Variants in ANKS1B observed in about 807,000 individuals in gnomAD.
The protein encoded by ANKS1B is ankyrin repeat and sterile alpha motif domain-containing protein 1B.
ANKS1B carries 36 observed loss-of-function variants against 148.3 expected under a neutral mutation model. The ratio of observed to expected loss-of-function variants is 0.24; its 90% CI spans 0.19 to 0.32. The LOEUF (loss-of-function observed/expected upper bound fraction) is 0.32. Ranked by LOEUF, ANKS1B falls within the 10% of genes least tolerant of loss-of-function variation. The pLI, the probability that ANKS1B is intolerant of heterozygous loss-of-function variation, is 1.00. For synonymous variants in ANKS1B, 542 were observed against 560.8 expected, an observed-to-expected ratio of 0.97 and a Z score of 0.47; for missense variants, 1,157 against 1,542.6, an observed-to-expected ratio of 0.75 and a Z score of 4.19.
chr12:99,645,888 G>A (rs1014277112), intron 9 of ANKS1B, among the ~76,000 whole-genome samples: 9 of 152,176 alleles, frequency 5.9e-5, no homozygotes, highest in Admixed American at 3.3e-4. Flanking sequence ...ACTGACTGGT[G>A]TGGAAAATCC....
chr12:99,803,890 T>C (rs11110048), intron 4 of ANKS1B, among the ~76,000 whole-genome samples: 17,982 of 152,206 alleles, frequency 0.12, 1,244 homozygotes, highest in African/African-American at 0.17. Flanking sequence ...CTCTTTGTTT[T>C]AGCATTTATT....
At chr12:99,048,776 G>T (rs979336812) in intron 17 of ANKS1B, 5 of 152,350 alleles carry the variant, frequency 3.3e-5, no homozygotes, top group Admixed American at 1.3e-4. Context: ...ATGTCAGGGT[G>T]CTTTTCCCAA....
chr12:99,925,358 T>C (rs993591089), intron 1 of ANKS1B, among the ~76,000 whole-genome samples: 2 of 152,198 alleles, frequency 1.3e-5, no homozygotes, highest in African/African-American at 4.8e-5. Context: ...GATTACATAC[T>C]TGGCTATCAC....
At chr12:98,761,029 C>T (rs1268602795) in intron 25 of ANKS1B, among the ~76,000 whole-genome samples, 1 of 152,198 alleles carries the variant, frequency 6.6e-6, no homozygotes, top group Non-Finnish European at 1.5e-5. Flanking sequence ...CTACCCCTTA[C>T]AACACCTTAC....
intron 9 of ANKS1B, among the ~76,000 whole-genome samples, chr12:99,542,860 C>T (rs11109909): frequency 0.44 from 66,058 of 151,742 alleles, 14,595 homozygotes; most frequent in East Asian, 0.56. Flanking sequence ...AACGCCTAAA[C>T]GAAAGGGTAA....
chr12:99,558,049 C>A (rs986751487), intron 9 of ANKS1B, among the ~76,000 whole-genome samples: 35 of 152,270 alleles, frequency 2.3e-4, no homozygotes, highest in African/African-American at 7.5e-4. Context: ...CCGAGGTATT[C>A]TTAGACTGCT....
intron 14 of ANKS1B, among the ~76,000 whole-genome samples, chr12:99,193,578 T>C (rs1450316551): frequency 6.6e-6 from 1 of 152,160 alleles, no homozygotes; most frequent in African/African-American, 2.4e-5. Context: ...AAATACATTA[T>C]GCATTTTTCT....
rs568728067 is a variant in ANKS1B, at chr12:99,541,088, C to T, written c.1273-36447G>A. Among the ~76,000 whole-genome samples, 17 of 152,134 alleles carry T rather than the reference C, an allele frequency of 1.1e-4. No individual in the cohort carries two copies. In the East Asian group the frequency reaches 1.5e-3, roughly 14 times the overall value. On this transcript the variant is annotated intron_variant, in intron 9 of 26. Transcript: ENST00000683438. ...ACTTAAGAAAAAATAAAAATATCTG[C>T]GTAGACCTATAACAAGTAAGAGATT...
chr12:99,453,625 TC>T (rs1480108470), intron 10 of ANKS1B, among the ~76,000 whole-genome samples: 2 of 152,122 alleles, frequency 1.3e-5, no homozygotes, highest in African/African-American at 2.4e-5. Context: ...AAATCTTGAG[TC>T]AGAGGCATCC....
chr12:99,464,599 G>A (rs11833427), intron 10 of ANKS1B, among the ~76,000 whole-genome samples: 50,258 of 152,052 alleles, frequency 0.33, 8,553 homozygotes, highest in African/African-American at 0.43. Flanking sequence ...GTGCTTAAAG[G>A]AGTTGATGGA....
At chr12:98,877,717 A>G (rs2099695021) in intron 17 of ANKS1B, among the ~76,000 whole-genome samples, 1 of 152,238 alleles carries the variant, frequency 6.6e-6, no homozygotes, top group African/African-American at 2.4e-5. Flanking sequence ...GTATACTTCA[A>G]TAATTGTCCC....
intron 11 of ANKS1B, among the ~76,000 whole-genome samples, chr12:99,423,620 G>A (rs2095162485): frequency 1.3e-5 from 2 of 152,060 alleles, no homozygotes; most frequent in African/African-American, 2.4e-5. Context: ...TTTAAAAAGT[G>A]TGGTACATAT....
At chr12:98,752,406 G>A (rs1320472512) in intron 25 of ANKS1B, among the ~76,000 whole-genome samples, 4 of 151,910 alleles carry the variant, frequency 2.6e-5, no homozygotes, top group Non-Finnish European at 4.4e-5. Flanking sequence ...CTACAGGCAC[G>A]TGCCACCACG....
chr12:98,957,429 G>A (rs1198130689), intron 17 of ANKS1B, among the ~76,000 whole-genome samples: 1 of 151,726 alleles, frequency 6.6e-6, no homozygotes, highest in Non-Finnish European at 1.5e-5. Context: ...TTCACTGCAA[G>A]CTCCGCCTCC....
At chr12:99,219,165 T>C (rs2084699223) in intron 14 of ANKS1B, among the ~76,000 whole-genome samples, 1 of 152,198 alleles carries the variant, frequency 6.6e-6, no homozygotes, top group African/African-American at 2.4e-5. Context: ...CCAGCTTGAC[T>C]AAATTTTAGG....
chr12:99,880,935 CA>C (rs1235963788), intron 1 of ANKS1B, among the ~76,000 whole-genome samples: 1 of 152,172 alleles, frequency 6.6e-6, no homozygotes, highest in Non-Finnish European at 1.5e-5. Context: ...CAGAATTTAA[CA>C]AAAAGTGTTC....
At chr12:99,058,719 CTTTTTTTTTTTTTTT>C (rs869064302) in intron 16 of ANKS1B, among the ~76,000 whole-genome samples, 18 of 80,684 alleles carry the variant, frequency 2.2e-4, no homozygotes, top group African/African-American at 4.6e-4. Context: ...TCTATCTATC[CTTTTTTTTTTTTTTT>C]TTTTTTTTTT....
At chr12:99,078,632 T>A (rs2048609182) in intron 16 of ANKS1B, among the ~76,000 whole-genome samples, 2 of 152,212 alleles carry the variant, frequency 1.3e-5, no homozygotes, top group South Asian at 4.1e-4. Flanking sequence ...GGTGTTTTTT[T>A]CCTTGTAGTT....
intron 9 of ANKS1B, among the ~76,000 whole-genome samples, chr12:99,592,888 C>T (rs578089157): frequency 6.6e-6 from 1 of 152,190 alleles, no homozygotes; most frequent in South Asian, 2.1e-4. Context: ...GGTGGGACAA[C>T]TCAAGGGAAA....
Sources: allele counts gnomAD v4.1 joint callset (sites outside exome capture counted in the v4.1 genomes callset), GRCh38; gene constraint gnomAD v4.1.1; transcripts MANE v1.5; gene names NCBI Gene and HGNC (gene_info 2026-07-23, HGNC 2026-07-21).